Variants in RASGRF2 observed in about 807,000 individuals in gnomAD.
The protein encoded by RASGRF2 is Ras protein specific guanine nucleotide releasing factor 2.
RASGRF2 carries 76 observed loss-of-function variants against 151.0 expected under a neutral mutation model. That is an observed-to-expected ratio of 0.50 (90% CI 0.42 to 0.61). The LOEUF (loss-of-function observed/expected upper bound fraction) is 0.61, where lower values mean the gene tolerates loss of function less well. Ranked by LOEUF, RASGRF2 falls within the 20% of genes least tolerant of loss-of-function variation. The pLI is 0.00. For synonymous variants in RASGRF2, 504 were observed against 566.5 expected, an observed-to-expected ratio of 0.89 and a Z score of 1.57; for missense variants, 1,148 against 1,564.6, an observed-to-expected ratio of 0.73 and a Z score of 4.49.
Position 80,960,629 on chromosome 5 carries a change from C to G in RASGRF2, c.-110C>G, listed in dbSNP as rs1020138280. The G allele has an allele frequency of 1.1e-5, 12 of 1,080,916 alleles. No individual in the cohort carries two copies. The highest frequency in any genetic ancestry group is 1.3e-5 in the Non-Finnish European group (11 of 848,858). 67.0% of individuals were successfully genotyped at this position (1,080,916 alleles called of 1,614,324 possible). ...GCGCGGCGTGGGGAAAGGGGGCGCC[C>G]TTCGCCGGCCGGGACCTGAGCGGTC... On this transcript the variant is annotated 5_prime_UTR_variant, in exon 1 of 27. Coordinates refer to ENST00000265080, the MANE Select transcript of RASGRF2 (RefSeq NM_006909.3). This position sits in a 1 kb window ranked among gnomAD's most constrained non-coding sequence, Gnocchi z 5.5.
At chr5:81,089,918 AAC>A (rs1486963081) in intron 9 of RASGRF2, among the ~76,000 whole-genome samples, 1 of 152,252 alleles carries the variant, frequency 6.6e-6, no homozygotes. Context: ...TATTTTCAAT[AAC>A]ATGAAATATG....
chr5:80,981,762 C>T (rs1748309646), intron 1 of RASGRF2, among the ~76,000 whole-genome samples: 1 of 152,116 alleles, frequency 6.6e-6, no homozygotes. Flanking sequence ...AAAGGGATTT[C>T]GCCATGTTGG....
At chr5:81,018,732 CACAT>C (rs1279564812) in intron 1 of RASGRF2, among the ~76,000 whole-genome samples, 1 of 151,574 alleles carries the variant, frequency 6.6e-6, no homozygotes, top group Admixed American at 6.6e-5. Context: ...ATAACATGAC[CACAT>C]ACTTTTTTAC....
In RASGRF2 at chr5:81,023,773, G is replaced by A. The variant is rs559223361; in HGVS notation, c.289-19104G>A. ...GTTAAGGTGCAGGCTGCAGCCTTTG[G>A]ATACATTGGGCTAGTTCATTAAGTG... is the stretch of plus-strand genomic sequence containing the variant. On this transcript the variant is annotated intron_variant, in intron 1 of 26. Transcript: ENST00000265080. Among the ~76,000 whole-genome samples the A allele has an allele frequency of 2.8e-4, 42 of 152,310 alleles. 1 individual carries two copies. Among genetic ancestry groups the A allele is most frequent in the Non-Finnish European group, 4.3e-4 (29 of 68,030 alleles).
chr5:81,070,325 T>C, intron 3 of RASGRF2, 167 bp from the exon 4 acceptor site: 1 of 588,920 alleles, frequency 1.7e-6, no homozygotes, highest in Non-Finnish European at 3.1e-6. Flanking sequence ...ATGCTTGGGG[T>C]AAAGTTCATG....
intron 1 of RASGRF2, among the ~76,000 whole-genome samples, chr5:80,994,516 C>T (rs1340268672): frequency 6.6e-6 from 1 of 152,106 alleles, no homozygotes; most frequent in Non-Finnish European, 1.5e-5. Flanking sequence ...AGATAGTTTT[C>T]AGGCTGGAGG....
At chr5:81,080,082 T>G (rs757560829) in intron 5 of RASGRF2, 39 bp from the exon 6 acceptor site, 1 of 1,581,680 alleles carries the variant, frequency 6.3e-7, no homozygotes, top group South Asian at 1.2e-5. Flanking sequence ...ATAAACACAT[T>G]ATAGCAACTA....
intron 9 of RASGRF2, among the ~76,000 whole-genome samples, chr5:81,089,880 C>A (rs144504563): frequency 5.9e-5 from 9 of 152,208 alleles, no homozygotes; most frequent in Admixed American, 1.3e-4. Flanking sequence ...ACTTTAAAAG[C>A]CAAGATCCAA....
In RASGRF2 at chr5:81,180,053, C is replaced by T. The variant is rs150596441; in HGVS notation, c.2687-122C>T. ...CACAATAGTCTGAAGCCACGCGCAC[C>T]TCTCTGCCAAGAAGTGTCATCTGTG... On this transcript the variant is annotated intron_variant, in intron 17 of 26. Transcript: ENST00000265080. The T allele has an allele frequency of 2.0e-4, 130 of 637,312 alleles. No individual in the cohort carries two copies. The African/African-American group carries it at 2.1e-3, about 10-fold the overall frequency. The allele number at this position is 637,312 out of a possible 1,614,324, so 39.5% of individuals were successfully genotyped here.
At chr5:81,126,219 A>G (rs1753449503) in intron 16 of RASGRF2, among the ~76,000 whole-genome samples, 1 of 152,222 alleles carries the variant, frequency 6.6e-6, no homozygotes, top group African/African-American at 2.4e-5. Context: ...CGAGGAGTGA[A>G]AGGGACTGCA....
intron 22 of RASGRF2, among the ~76,000 whole-genome samples, chr5:81,211,183 T>G (rs535575478): frequency 6.7e-5 from 10 of 148,638 alleles, no homozygotes; most frequent in Admixed American, 4.0e-4. Flanking sequence ...AGGCGTGACC[T>G]CTTCCTAGAA....
intron 17 of RASGRF2, among the ~76,000 whole-genome samples, chr5:81,140,052 C>A (rs80015185): frequency 0.098 from 14,841 of 152,028 alleles, 1,532 homozygotes; most frequent in African/African-American, 0.26. Context: ...TGGTCTCCAA[C>A]CCCCGTCCTT....
intron 1 of RASGRF2, among the ~76,000 whole-genome samples, chr5:80,973,582 C>T (rs1457406479): frequency 5.3e-5 from 8 of 152,236 alleles, no homozygotes; most frequent in South Asian, 4.1e-4. Context: ...ACTTGGAGGG[C>T]GAGCCAACCA....
At chr5:81,000,324 C>T (rs1382245626) in intron 1 of RASGRF2, among the ~76,000 whole-genome samples, 2 of 152,216 alleles carry the variant, frequency 1.3e-5, no homozygotes, top group African/African-American at 4.8e-5. Flanking sequence ...TCACTTCAAC[C>T]TCCACCTCCT....
chr5:81,191,413 G>A (rs10037932), intron 18 of RASGRF2, among the ~76,000 whole-genome samples: 86,939 of 151,824 alleles, frequency 0.57, 25,230 homozygotes, highest in Middle Eastern at 0.77. Context: ...AGCTTTCTTT[G>A]TCAGTCTTTT....
At chr5:81,080,523 T>G (rs531417777) in intron 6 of RASGRF2, 73 bp from the exon 7 acceptor site, 33 of 1,438,592 alleles carry the variant, frequency 2.3e-5, no homozygotes, top group African/African-American at 5.6e-5. Flanking sequence ...GACCCACTCT[T>G]TGCCATTCCT....
At chr5:81,041,487 C>T (rs570756505) in intron 1 of RASGRF2, among the ~76,000 whole-genome samples, 2 of 152,234 alleles carry the variant, frequency 1.3e-5, no homozygotes, top group South Asian at 4.2e-4. Flanking sequence ...CATGAGAATT[C>T]TCCACATCTT....
intron 9 of RASGRF2, among the ~76,000 whole-genome samples, chr5:81,088,919 CAT>C (rs1315711285): frequency 1.8e-4 from 28 of 152,066 alleles, no homozygotes; most frequent in Non-Finnish European, 1.5e-5. Context: ...TTATGTACCA[CAT>C]GTTTAAGGCA....
intron 25 of RASGRF2, 134 bp from the exon 26 acceptor site, chr5:81,219,576 C>A: frequency 1.6e-6 from 1 of 638,900 alleles, no homozygotes; most frequent in Non-Finnish European, 2.7e-6. Flanking sequence ...AATGGTCAGG[C>A]AGGCTCCACC....
Sources: allele counts gnomAD v4.1 joint callset (sites outside exome capture counted in the v4.1 genomes callset), GRCh38; gene constraint gnomAD v4.1.1; non-coding constraint Gnocchi (gnomAD v3.1); transcripts MANE v1.5; gene names NCBI Gene and HGNC (gene_info 2026-07-23, HGNC 2026-07-21).